Variants in IGSF11 observed in about 807,000 individuals in gnomAD.
IGSF11 encodes the protein immunoglobulin superfamily member 11.
In IGSF11, 22 loss-of-function variants were observed where a neutral mutation model predicts 41.0. The ratio of observed to expected loss-of-function variants is 0.54; its 90% CI spans 0.38 to 0.77. The LOEUF (loss-of-function observed/expected upper bound fraction) is 0.77, where lower values mean the gene tolerates loss of function less well. Among genes scored for constraint, IGSF11 ranks in the 30% least tolerant of loss-of-function variants. The pLI is 0.00. For missense variants in IGSF11, 444 were observed against 530.8 expected, an observed-to-expected ratio of 0.84 and a Z score of 1.61; for synonymous variants, 219 against 201.3, an observed-to-expected ratio of 1.09 and a Z score of -0.74.
chr3:118,941,980 TAA>T (rs1943731259), intron 1 of IGSF11, among the ~76,000 whole-genome samples: 1 of 152,054 alleles, frequency 6.6e-6, no homozygotes, highest in South Asian at 2.1e-4. Context: ...GACTGAGGGT[TAA>T]AGTTTGGCAG....
chr3:118,928,453 T>C, intron 3 of IGSF11, 56 bp downstream of exon 3: 1 of 1,397,938 alleles, frequency 7.2e-7, no homozygotes, highest in East Asian at 2.3e-5. Context: ...GCAAGTATGC[T>C]TGAGAGTAGC....
intron 1 of IGSF11, among the ~76,000 whole-genome samples, chr3:118,968,196 T>C (rs1045262680): frequency 6.6e-6 from 1 of 152,160 alleles, no homozygotes; most frequent in Non-Finnish European, 1.5e-5. Context: ...GCAAAATGGG[T>C]TTTATGTTCT....
chr3:118,904,878 A>G, intron 5 of IGSF11, 80 bp from the exon 6 acceptor site: 1 of 1,148,552 alleles, frequency 8.7e-7, no homozygotes, highest in East Asian at 2.4e-5. Context: ...TAATAAGCAC[A>G]TAAGCTTACT....
intron 1 of IGSF11, among the ~76,000 whole-genome samples, chr3:119,041,875 GA>G (rs1941131178): frequency 6.6e-6 from 1 of 151,832 alleles, no homozygotes; most frequent in Non-Finnish European, 1.5e-5. Flanking sequence ...TTCAGAAAAC[GA>G]AAACAAACCC....
chr3:118,928,408 A>G (rs562035266), intron 3 of IGSF11, 101 bp downstream of exon 3: 12 of 817,764 alleles, frequency 1.5e-5, no homozygotes, highest in Admixed American at 8.8e-5. Flanking sequence ...GAAAAAGAAC[A>G]TAAGCAGACT....
chr3:118,911,106 T>C (rs1408035435), intron 4 of IGSF11, among the ~76,000 whole-genome samples: 1 of 152,100 alleles, frequency 6.6e-6, no homozygotes, highest in Non-Finnish European at 1.5e-5. Flanking sequence ...GTAAGGTGTA[T>C]GTTTATGTGT....
chr3:119,030,135 A>C (rs941826271), intron 1 of IGSF11, among the ~76,000 whole-genome samples: 1 of 152,232 alleles, frequency 6.6e-6, no homozygotes, highest in African/African-American at 2.4e-5. Flanking sequence ...CTGTCAGCTT[A>C]TATCTCTCTC....
Position 118,979,183 on chromosome 3 carries a change from A to G in IGSF11, c.53-48908T>C, listed in dbSNP as rs944794656. ...TAATGATAGACTAAACAAAAGAAAGAATATTAGAACGTGAAGACAGGTCTT... is the reference window on the plus strand; with the variant it reads ...TAATGATAGACTAAACAAAAGAAAGGATATTAGAACGTGAAGACAGGTCTT... On this transcript the variant is annotated intron_variant, in intron 1 of 6. Coordinates refer to ENST00000393775, the MANE Select transcript of IGSF11 (RefSeq NM_001015887.3). 3.3e-5 allele frequency among the ~76,000 whole-genome samples: 5 copies of G among 152,326 alleles called. 1 individual carries two copies. Among genetic ancestry groups the G allele is most frequent in the East Asian group, 1.9e-4 (1 of 5,190 alleles).
At chr3:118,943,951 C>T (rs1037860749) in intron 1 of IGSF11, among the ~76,000 whole-genome samples, 24 of 152,138 alleles carry the variant, frequency 1.6e-4, no homozygotes, top group African/African-American at 5.6e-4. Flanking sequence ...TATTTATGAA[C>T]AAATAAAGCC....
At chr3:119,046,037 A>G (rs1941334873) in intron 1 of IGSF11, among the ~76,000 whole-genome samples, 1 of 151,442 alleles carries the variant, frequency 6.6e-6, no homozygotes, top group Non-Finnish European at 1.5e-5. Context: ...AACCACAAAG[A>G]TGGGGAAAAA....
At chr3:119,125,435 G>A (rs910209264) in intron 1 of IGSF11, among the ~76,000 whole-genome samples, 2 of 152,132 alleles carry the variant, frequency 1.3e-5, no homozygotes, top group Non-Finnish European at 1.5e-5. Flanking sequence ...GTGGAGTCAG[G>A]AGCAATTTTT....
chr3:119,093,009 T>C (rs1458057835), intron 1 of IGSF11, among the ~76,000 whole-genome samples: 4 of 152,162 alleles, frequency 2.6e-5, no homozygotes, highest in African/African-American at 7.2e-5. Flanking sequence ...CAGTACACTG[T>C]ATGATGTTTG....
chr3:118,984,971 C>T (rs1338925621), intron 1 of IGSF11, among the ~76,000 whole-genome samples: 1 of 152,232 alleles, frequency 6.6e-6, no homozygotes, highest in African/African-American at 2.4e-5. Flanking sequence ...AAGCCATTGC[C>T]ACCAAGGCAT....
chr3:118,996,079 T>G (rs1254006023), intron 1 of IGSF11, among the ~76,000 whole-genome samples: 1 of 152,182 alleles, frequency 6.6e-6, no homozygotes, highest in Non-Finnish European at 1.5e-5. Flanking sequence ...CCACCACGCA[T>G]GGACAGCAAG....
chr3:118,985,194 T>C (rs1935129239), intron 1 of IGSF11, among the ~76,000 whole-genome samples: 1 of 152,100 alleles, frequency 6.6e-6, no homozygotes, highest in Non-Finnish European at 1.5e-5. Flanking sequence ...CCTTCAAAAT[T>C]CAATCTTGTT....
chr3:118,927,116 G>A (rs1942394428), intron 3 of IGSF11, among the ~76,000 whole-genome samples: 2 of 152,038 alleles, frequency 1.3e-5, no homozygotes, highest in South Asian at 4.1e-4. Flanking sequence ...GGGGAAGAGA[G>A]AACAATAAAA....
chr3:119,143,878 A>G (rs75912733), intron 1 of IGSF11, among the ~76,000 whole-genome samples: 4,024 of 152,302 alleles, frequency 0.026, 180 homozygotes, highest in African/African-American at 0.092. Context: ...AGTGCATTAT[A>G]TATTGATAAA....
intron 1 of IGSF11, among the ~76,000 whole-genome samples, chr3:118,943,983 T>C (rs1221195670): frequency 3.3e-5 from 5 of 152,242 alleles, no homozygotes; most frequent in Non-Finnish European, 5.9e-5. Context: ...TCAGGAAGGA[T>C]GTTACATTCT....
intron 1 of IGSF11, among the ~76,000 whole-genome samples, chr3:119,057,684 A>G (rs1941900893): frequency 6.6e-6 from 1 of 152,226 alleles, no homozygotes. Context: ...AAGCCAAAAG[A>G]ACAAAGCTGC....
Sources: allele counts gnomAD v4.1 joint callset (sites outside exome capture counted in the v4.1 genomes callset), GRCh38; gene constraint gnomAD v4.1.1; transcripts MANE v1.5; gene names NCBI Gene and HGNC (gene_info 2026-07-23, HGNC 2026-07-21).